ATG7: variants seen among roughly 807,000 people sequenced by gnomAD.
The protein encoded by ATG7 is ubiquitin-like modifier-activating enzyme ATG7.
In ATG7, 70 loss-of-function variants were observed where a neutral mutation model predicts 82.4. The ratio of observed to expected loss-of-function variants is 0.85; its 90% CI spans 0.70 to 1.04. The LOEUF is 1.04. ATG7 is among the 50% of genes least tolerant of loss of function. The probability of loss-of-function intolerance (pLI) is 0.00; values close to 1 mark genes in which losing one functional copy is unlikely to be tolerated. For missense variants in ATG7, 792 were observed against 864.3 expected, an observed-to-expected ratio of 0.92 and a Z score of 1.05; for synonymous variants, 287 against 313.0, an observed-to-expected ratio of 0.92 and a Z score of 0.88.
At position 11,492,317 on chromosome 3, in the gene ATG7, C is replaced by T. The variant is rs562347760; in HGVS notation, c.2080-62494C>T. Reference sequence around the variant, plus strand: ...AGTGAGGCAATGCCTCGCCCTGCTTCGGCTCGCACACGGTGCTCTGCATAC... The same window carrying T: ...AGTGAGGCAATGCCTCGCCCTGCTTTGGCTCGCACACGGTGCTCTGCATAC... On this transcript the variant is annotated intron_variant, in intron 20 of 20. Transcript: ENST00000693202. Among the ~76,000 whole-genome samples, 307 of 152,326 alleles carry T rather than the reference C, an allele frequency of 2.0e-3. 1 individual carries two copies. The highest frequency in any genetic ancestry group is 3.0e-3 in the Non-Finnish European group (202 of 68,038).
At chr3:11,315,566 A>T (rs1949284113) in intron 9 of ATG7, 73 bp downstream of exon 9, 1 of 1,310,744 alleles carries the variant, frequency 7.6e-7, no homozygotes, top group East Asian at 2.7e-5. Context: ...ACAAGAGACC[A>T]CTGCAAAATT....
chr3:11,288,759 AC>A (rs1944491066), intron 3 of ATG7: 1 of 152,200 alleles, frequency 6.6e-6, no homozygotes, highest in Admixed American at 6.5e-5. Context: ...TCATTCAGTG[AC>A]ATTTTCTGAG....
chr3:11,419,281 G>A (rs1209239522), intron 19 of ATG7, among the ~76,000 whole-genome samples: 1 of 152,152 alleles, frequency 6.6e-6, no homozygotes, highest in East Asian at 1.9e-4. Flanking sequence ...AGCTGGGCAT[G>A]GTGGCTAACA....
At chr3:11,361,776 G>A (rs2076302040) in intron 16 of ATG7, among the ~76,000 whole-genome samples, 1 of 152,196 alleles carries the variant, frequency 6.6e-6, no homozygotes, top group Non-Finnish European at 1.5e-5. Flanking sequence ...GCTTTGAACA[G>A]CAAGACTACA....
At chr3:11,468,606 A>G (rs1417418315) in intron 20 of ATG7, among the ~76,000 whole-genome samples, 1 of 152,150 alleles carries the variant, frequency 6.6e-6, no homozygotes, top group Non-Finnish European at 1.5e-5. Context: ...CATGCTATGA[A>G]CTGTGTCATG....
chr3:11,513,838 T>A (rs2092171144), intron 20 of ATG7, among the ~76,000 whole-genome samples: 1 of 152,236 alleles, frequency 6.6e-6, no homozygotes, highest in Non-Finnish European at 1.5e-5. Flanking sequence ...GTAGAGAGCA[T>A]AACAACAGCA....
intron 17 of ATG7, among the ~76,000 whole-genome samples, chr3:11,363,688 C>G (rs916040041): frequency 1.3e-5 from 2 of 152,208 alleles, no homozygotes; most frequent in African/African-American, 4.8e-5. Context: ...GGGTTTAGCT[C>G]AACCAGTGTG....
chr3:11,364,768 T>G, intron 18 of ATG7, 34 bp downstream of exon 18: 1 of 1,609,482 alleles, frequency 6.2e-7, no homozygotes, highest in Non-Finnish European at 8.5e-7. Context: ...ACAATTCTTT[T>G]GGTACAGGGG....
chr3:11,291,163 A>G lies in ATG7; in HGVS notation c.-10-7523A>G, dbSNP rs1559335132. Among the ~76,000 whole-genome samples the G allele has an allele frequency of 5.3e-5, 8 of 152,240 alleles. 1 individual carries two copies. In the South Asian group the frequency reaches 1.4e-3, roughly 28 times the overall value. ...AAGTTACATTTGTCCTTGAAGAGAA[A>G]GTTGTGGATGACTGACATATGTAGG... is the stretch of plus-strand genomic sequence containing the variant. On this transcript the variant is annotated intron_variant, in intron 3 of 20. Transcript: ENST00000693202.
chr3:11,440,770 G>A (rs2083861355), intron 20 of ATG7, among the ~76,000 whole-genome samples: 1 of 121,902 alleles, frequency 8.2e-6, no homozygotes, highest in Non-Finnish European at 1.6e-5. Context: ...TGCAACCTTT[G>A]CCTCCCGGGT....
intron 20 of ATG7, among the ~76,000 whole-genome samples, chr3:11,553,508 T>G (rs1444658968): frequency 6.6e-6 from 1 of 152,018 alleles, no homozygotes; most frequent in African/African-American, 2.4e-5. Context: ...GCAACCTTTG[T>G]TAGAAACACA....
chr3:11,291,012 A>T, intron 3 of ATG7, among the ~76,000 whole-genome samples: 1 of 152,134 alleles, frequency 6.6e-6, no homozygotes, highest in East Asian at 1.9e-4. Flanking sequence ...AGTCATCCTT[A>T]GTCGCTTTTA....
chr3:11,462,533 T>C (rs1340700888), intron 20 of ATG7, among the ~76,000 whole-genome samples: 1 of 152,142 alleles, frequency 6.6e-6, no homozygotes, highest in East Asian at 1.9e-4. Context: ...CTAGTTTGAA[T>C]AATCTCAGGG....
rs182818332 is a variant in ATG7 at position 11,488,711 on chromosome 3, A to G, written c.2079+61785A>G. On this transcript the variant is annotated intron_variant, in intron 20 of 20. Transcript: ENST00000693202. ...TTTATATGCTAGGTTACATTTATTG[A>G]TTTGCATATATTGAACCAGCCTTGC... 2.1e-3 allele frequency among the ~76,000 whole-genome samples: 325 copies of G among 152,260 alleles called. 1 individual carries two copies. Among genetic ancestry groups the G allele is most frequent in the African/African-American group, 7.5e-3 (310 of 41,554 alleles).
rs537513070 is a variant in ATG7, at chr3:11,368,920, T to C, written c.1875+4186T>C. Reference sequence around the variant, plus strand: ...AAAGACCCTGAATGTGTATATGCCATTCTTCTGAGCTTGGAATTGCCAACC... The same window carrying C: ...AAAGACCCTGAATGTGTATATGCCACTCTTCTGAGCTTGGAATTGCCAACC... On this transcript the variant is annotated intron_variant, in intron 18 of 20. Coordinates refer to ENST00000693202, the MANE Select transcript of ATG7 (RefSeq NM_001349232.2). Among the ~76,000 whole-genome samples, 28 of 151,168 alleles carry C rather than the reference T, an allele frequency of 1.9e-4. 2 individuals are homozygous for C. The highest frequency in any genetic ancestry group is 6.6e-4 in the African/African-American group (27 of 41,004).
chr3:11,333,232 A>G, intron 11 of ATG7, 139 bp downstream of exon 11: 1 of 1,152,910 alleles, frequency 8.7e-7, no homozygotes, highest in Non-Finnish European at 1.1e-6. Context: ...CAATGCAGAC[A>G]CCTACTTCGA....
intron 5 of ATG7, among the ~76,000 whole-genome samples, chr3:11,301,063 C>T (rs571595691): frequency 9.9e-5 from 15 of 152,108 alleles, no homozygotes; most frequent in Admixed American, 7.2e-4. Context: ...AAAGATGATA[C>T]AGAACTAGCG....
At position 11,493,131 on chromosome 3, in the gene ATG7, G is replaced by C. The variant is rs1032846282; in HGVS notation, c.2080-61680G>C. 3.9e-5 allele frequency among the ~76,000 whole-genome samples: 6 copies of C among 152,246 alleles called. No individual in the cohort carries two copies. In the East Asian group the frequency reaches 1.2e-3, roughly 29 times the overall value. On this transcript the variant is annotated intron_variant, in intron 20 of 20. Transcript: ENST00000693202. The stretch of plus-strand genomic sequence containing the variant: ...TAGACGAATTGAAGTTATGGTGAAT[G>C]CAGACAATTTTATTGAGTGATGAGA...
intron 14 of ATG7, among the ~76,000 whole-genome samples, chr3:11,352,008 C>CA (rs1196996503): frequency 7.0e-6 from 1 of 143,540 alleles, no homozygotes; most frequent in African/African-American, 2.6e-5. Flanking sequence ...CCCCTCCCTC[C>CA]ACGCCACGAC....
Sources: allele counts gnomAD v4.1 joint callset (sites outside exome capture counted in the v4.1 genomes callset), GRCh38; gene constraint gnomAD v4.1.1; transcripts MANE v1.5; gene names NCBI Gene and HGNC (gene_info 2026-07-23, HGNC 2026-07-21).